The following CCNT1 variants were observed in gnomAD, a reference collection of about 807,000 sequenced individuals.
The protein encoded by CCNT1 is cyclin T1.
CCNT1 carries 18 observed loss-of-function variants against 67.3 expected under a neutral mutation model. The observed-to-expected ratio is 0.27, with a 90% confidence interval of 0.18 to 0.40. The LOEUF (loss-of-function observed/expected upper bound fraction) is 0.40. Among genes scored for constraint, CCNT1 ranks in the 10% least tolerant of loss-of-function variants. The pLI is 1.00. For synonymous variants in CCNT1, 333 were observed against 310.3 expected, an observed-to-expected ratio of 1.07 and a Z score of -0.77; for missense variants, 744 against 884.9, an observed-to-expected ratio of 0.84 and a Z score of 2.02.
Position 48,716,594 on chromosome 12 carries a change from C to T in CCNT1, c.82G>A (p.Gly28Ser). ...QLENSPSRRFGVDPDKELSYR... is the reference protein window; with the variant it reads ...QLENSPSRRFSVDPDKELSYR... ...GAAAGTTCTTTATCTGGGTCCACGC[C>T]AAAACGACGGGATGGGCTATTTTCC... The change falls in exon 1 of 9, where the codon GGC (glycine) becomes AGC (serine). Residue 28 changes from glycine to serine, a missense_variant. Gly to Ser is a moderately conservative substitution (Grantham distance 56). Coordinates refer to ENST00000261900, the MANE Select transcript of CCNT1 (RefSeq NM_001240.4). 5 of 1,614,216 alleles carry T rather than the reference C, an allele frequency of 3.1e-6. No individual in the cohort carries two copies. The highest frequency in any genetic ancestry group is 4.2e-6 in the Non-Finnish European group (5 of 1,180,016).
chr12:48,694,489 A>G, intron 8 of CCNT1, 53 bp from the exon 9 acceptor site: 1 of 1,497,096 alleles, frequency 6.7e-7, no homozygotes, highest in South Asian at 1.2e-5. Context: ...TAAATAAAAA[A>G]ACACTGAGAT....
chr12:48,698,218 G>T, intron 5 of CCNT1, 35 bp from the exon 6 acceptor site: 2 of 1,425,124 alleles, frequency 1.4e-6, no homozygotes, highest in Non-Finnish European at 1.9e-6. Context: ...GGGTGGGGGA[G>T]GAAAAAAGTT....
At position 48,688,601 on chromosome 12, in the gene CCNT1, C is replaced by A. The variant is rs1339747195; in HGVS notation, c.*4432G>T. On this transcript the variant is annotated 3_prime_UTR_variant, in exon 9 of 9. Coordinates refer to ENST00000261900, the MANE Select transcript of CCNT1 (RefSeq NM_001240.4). Reference sequence around the variant, plus strand: ...TTTTTTGAATTTTTTTACAAAGAGCCCTTACTATAATGGTCACTTACCTCC... The same window carrying A: ...TTTTTTGAATTTTTTTACAAAGAGCACTTACTATAATGGTCACTTACCTCC... The A allele has an allele frequency of 1.3e-5, 2 of 151,898 alleles. No individual in the cohort carries two copies. Among genetic ancestry groups the A allele is most frequent in the Non-Finnish European group, 2.9e-5 (2 of 68,006 alleles). 9.4% of individuals were successfully genotyped at this position (151,898 alleles called of 1,614,324 possible). A position where few individuals can be genotyped will look rare whatever the true frequency, so the allele number is the denominator to read the frequency against.
At chr12:48,713,648 T>C (rs1004902287) in intron 2 of CCNT1, among the ~76,000 whole-genome samples, 6 of 152,026 alleles carry the variant, frequency 3.9e-5, no homozygotes, top group African/African-American at 1.5e-4. Flanking sequence ...TTACCAGATA[T>C]GTTGGCAAGC....
At chr12:48,695,707 G>T in intron 8 of CCNT1, 52 bp downstream of exon 8, 1 of 1,205,328 alleles carries the variant, frequency 8.3e-7, no homozygotes, top group Non-Finnish European at 1.2e-6. Flanking sequence ...ATTCACTGGT[G>T]CAGTCAAAAG....
In CCNT1 at chr12:48,693,457, T is replaced by C. The variant is rs1210197532; in HGVS notation, c.1757A>G (p.Asp586Gly). ...ACTCTTGGCAATCTTGGCTGGATGATCAAACACAGCCCCTCCAGTCTCTTC... is the reference window on the plus strand; with the variant it reads ...ACTCTTGGCAATCTTGGCTGGATGACCAAACACAGCCCCTCCAGTCTCTTC... ...PSEETGGAVF[D>G]HPAKIAKSTK... is the part of the protein sequence containing the mutation. The change falls in exon 9 of 9, where the codon GAT becomes GGT. Residue 586 changes from aspartate to glycine, a missense_variant. By Grantham distance (94) the Asp-to-Gly change is moderately conservative. Transcript: ENST00000261900. The C allele has an allele frequency of 6.2e-7, 1 of 1,614,108 alleles. No homozygotes were observed. Among genetic ancestry groups the C allele is most frequent in the African/African-American group, 1.3e-5 (1 of 74,928 alleles).
intron 2 of CCNT1, among the ~76,000 whole-genome samples, chr12:48,712,217 T>TA (rs1178221164): frequency 6.6e-6 from 1 of 152,092 alleles, no homozygotes; most frequent in African/African-American, 2.4e-5. Flanking sequence ...TCTACAGCAT[T>TA]AAAAAAGTAA....
chr12:48,699,860 G>C lies in CCNT1; in HGVS notation c.434-20C>G. 2 of 1,498,706 alleles carry C rather than the reference G, an allele frequency of 1.3e-6. No homozygotes were observed. The highest frequency in any genetic ancestry group is 1.8e-6 in the Non-Finnish European group (2 of 1,084,264). The allele number at this position is 1,498,706 out of a possible 1,614,324, so 92.8% of individuals were successfully genotyped here. A position where few individuals can be genotyped will look rare whatever the true frequency, so the allele number is the denominator to read the frequency against. Reference sequence around the variant, plus strand: ...CAAAGCCTTAAAAGAAAAAGTAATGGATTAAAAAACTATTAAGAAGTTTAC... The same window carrying C: ...CAAAGCCTTAAAAGAAAAAGTAATGCATTAAAAAACTATTAAGAAGTTTAC... On this transcript the variant is annotated intron_variant, in intron 4 of 8. Coordinates refer to ENST00000261900, the MANE Select transcript of CCNT1 (RefSeq NM_001240.4).
chr12:48,698,971 G>GT (rs1161434645), intron 5 of CCNT1, among the ~76,000 whole-genome samples: 5 of 151,504 alleles, frequency 3.3e-5, no homozygotes, highest in African/African-American at 9.7e-5. Flanking sequence ...AAAAAAAAAA[G>GT]TTTTTAATTA....
Position 48,693,242 on chromosome 12 carries a change from G to C in CCNT1, c.1972C>G (p.Gln658Glu), listed in dbSNP as rs757684573. The part of the protein sequence containing the change: ...GHNTTQTIDY[Q>E]DTVNMLHSLL... ...GAGTGAAGCATATTCACAGTGTCTTGATAGTCTATTGTCTGGGTCGTGTTG... is the reference window on the plus strand; with the variant it reads ...GAGTGAAGCATATTCACAGTGTCTTCATAGTCTATTGTCTGGGTCGTGTTG... Residue 658 changes from glutamine (Q) to glutamate (E), a missense_variant, in exon 9 of 9, where the codon CAA (glutamine) becomes GAA (glutamate). By Grantham distance (29) the Gln-to-Glu change is conservative (BLOSUM62 2). Around this residue, in one of 3 missense-constraint regions of CCNT1, gnomAD observed 564 missense variants for 574.2 expected, o/e 0.98. Transcript: ENST00000261900. 7 of 1,614,100 alleles carry C rather than the reference G, an allele frequency of 4.3e-6. No homozygotes were observed. Among genetic ancestry groups the C allele is most frequent in the Non-Finnish European group, 5.9e-6 (7 of 1,180,032 alleles).
chr12:48,711,083 T>C (rs1024025870), intron 2 of CCNT1, among the ~76,000 whole-genome samples: 3 of 151,102 alleles, frequency 2.0e-5, no homozygotes, highest in Non-Finnish European at 1.5e-5. Context: ...TAAAAAAAGA[T>C]ATAACTTAAA....
intron 2 of CCNT1, among the ~76,000 whole-genome samples, chr12:48,706,387 G>A (rs1940360843): frequency 6.6e-6 from 1 of 152,154 alleles, no homozygotes; most frequent in South Asian, 2.1e-4. Flanking sequence ...GCACAATTTT[G>A]CGCATATACT....
chr12:48,709,786 A>G (rs1270407103), intron 2 of CCNT1, among the ~76,000 whole-genome samples: 8 of 152,186 alleles, frequency 5.3e-5, no homozygotes. Flanking sequence ...ACATTTATCA[A>G]TGGTTATCTC....
chr12:48,714,081 G>T (rs1242562035), intron 2 of CCNT1, among the ~76,000 whole-genome samples: 1 of 151,998 alleles, frequency 6.6e-6, no homozygotes, highest in Non-Finnish European at 1.5e-5. Context: ...TTTTGTTTTT[G>T]ATATTTTGTA....
chr12:48,695,870 C>A, intron 7 of CCNT1, 41 bp from the exon 8 acceptor site: 2 of 1,539,204 alleles, frequency 1.3e-6, no homozygotes, highest in Non-Finnish European at 1.8e-6. Context: ...CTGAGAGAAA[C>A]AGAAGTAATG....
chr12:48,694,657 TAAC>T (rs911063566), intron 8 of CCNT1, among the ~76,000 whole-genome samples: 4 of 152,184 alleles, frequency 2.6e-5, no homozygotes, highest in African/African-American at 9.7e-5. Flanking sequence ...AAAGCAATAA[TAAC>T]AACAAAGAAT....
chr12:48,688,810 C>T lies in CCNT1; in HGVS notation c.*4223G>A, dbSNP rs199803393. 1 of 150,000 alleles carries T rather than the reference C, an allele frequency of 6.7e-6. No homozygotes were observed. The highest frequency in any genetic ancestry group is 6.6e-5 in the Admixed American group (1 of 15,092). 9.3% of individuals were successfully genotyped at this position (150,000 alleles called of 1,614,324 possible). ...AGTGACAGATTGGTAAAGTGTTTTA[C>T]TTTTTTTTTTCTTTTCGCTCTTTGG... On this transcript the variant is annotated 3_prime_UTR_variant, in exon 9 of 9. Coordinates refer to ENST00000261900, the MANE Select transcript of CCNT1 (RefSeq NM_001240.4).
rs143056394 is a variant in CCNT1, at chr12:48,701,146, C to T, written c.373-73G>A. The T allele has an allele frequency of 4.7e-3, 3,886 of 818,586 alleles. 116 individuals are homozygous for T. In the African/African-American group the frequency reaches 0.061, roughly 13 times the overall value. The allele number at this position is 818,586 out of a possible 1,614,324, so 50.7% of individuals were successfully genotyped here. A position where few individuals can be genotyped will look rare whatever the true frequency, so the allele number is the denominator to read the frequency against. On this transcript the variant is annotated intron_variant, in intron 3 of 8. Transcript: ENST00000261900. The stretch of plus-strand genomic sequence containing the variant: ...AAAGTATAAACAATTCTAACAATCC[C>T]TTCCAGGGAAACCAAAACAATAAAA...
chr12:48,697,188 A>G (rs893633365), intron 6 of CCNT1, among the ~76,000 whole-genome samples: 5 of 152,070 alleles, frequency 3.3e-5, no homozygotes, highest in Admixed American at 2.6e-4. Context: ...ATAAGTGCCC[A>G]TTGATTGATA....
Sources: allele counts gnomAD v4.1 joint callset (sites outside exome capture counted in the v4.1 genomes callset), GRCh38; gene constraint gnomAD v4.1.1; regional missense constraint gnomAD v4.1.1; transcripts MANE v1.5; gene names NCBI Gene and HGNC (gene_info 2026-07-23, HGNC 2026-07-21).